The following CCM2L variants were observed in gnomAD, a reference collection of about 807,000 sequenced individuals.
The protein encoded by CCM2L is CCM2 like scaffold protein, also known as cerebral cavernous malformations 2 protein-like.
A neutral mutation model predicts 54.1 loss-of-function variants in CCM2L; 36 were observed. That is an observed-to-expected ratio of 0.67 (90% confidence interval 0.51 to 0.88). The LOEUF is 0.88. CCM2L is among the 40% of genes least tolerant of loss of function. CCM2L has a pLI of 0.00. For synonymous variants in CCM2L, 351 were observed against 359.3 expected (o/e 0.98, Z 0.26); for missense variants, 700 against 812.1 (o/e 0.86, Z 1.68).
chr20:32,028,433 CAAA>C (rs533694905), intron 7 of CCM2L: 8 of 107,686 alleles, frequency 7.4e-5, no homozygotes, highest in South Asian at 3.1e-4. Flanking sequence ...GAATCTGTCT[CAAA>C]AAAAAAAAAA....
intron 1 of CCM2L, among the ~76,000 whole-genome samples, chr20:32,012,474 C>G (rs1004947307): frequency 1.3e-5 from 2 of 152,136 alleles, no homozygotes; most frequent in Non-Finnish European, 1.5e-5. Flanking sequence ...GGGAGGATCG[C>G]TGAGTCAGAA....
At chr20:32,025,784 G>A in intron 6 of CCM2L, 72 bp from the exon 7 acceptor site, 14 of 1,091,770 alleles carry the variant, frequency 1.3e-5, no homozygotes, top group Admixed American at 2.3e-5. Flanking sequence ...ACTGAGGGTG[G>A]GGCCTCAGGG....
Position 32,019,306 on chromosome 20 carries a change from G to C in CCM2L, c.830G>C (p.Gly277Ala). 1 of 1,301,822 alleles carries C rather than the reference G, an allele frequency of 7.7e-7. No individual in the cohort carries two copies. The allele number at this position is 1,301,822 out of a possible 1,614,324, so 80.6% of individuals were successfully genotyped here. A position where few individuals can be genotyped will look rare whatever the true frequency, so the allele number is the denominator to read the frequency against. ...WERRQAGSGG[G>A]GSWERRHPGP... ...CGGAGGCAGGCGGGCAGCGGCGGGG[G>C]AGGCAGCTGGGAGCGGCGCCACCCC... The change falls in exon 5 of 10, where the codon GGA (glycine) becomes GCA (alanine). Residue 277 changes from glycine (G) to alanine (A), a missense_variant. Coordinates refer to ENST00000452892, the MANE Select transcript of CCM2L (RefSeq NM_001365692.1).
rs747003754 is a variant in CCM2L at position 32,018,102 on chromosome 20, G to C, written c.406G>C (p.Glu136Gln). The change falls in exon 4 of 10, where the codon GAG (glutamate) becomes CAG (glutamine). Residue 136 changes from glutamate (E) to glutamine (Q), a missense_variant. Transcript: ENST00000452892. ...GCTCATTCTGCGAATCCCTACGCAC[G>C]AGATCGCCGCCGCCTCCTACCTGCA... is the stretch of plus-strand genomic sequence containing the variant. Reference protein sequence around the residue: ...EELILRIPTHEIAAASYLQDD... With the variant: ...EELILRIPTHQIAAASYLQDD... The C allele has an allele frequency of 6.2e-6, 10 of 1,611,322 alleles. No homozygotes were observed. The East Asian group carries it at 8.9e-5, about 14-fold the overall frequency.
intron 1 of CCM2L, among the ~76,000 whole-genome samples, chr20:32,011,840 G>A (rs2064698007): frequency 6.6e-6 from 1 of 151,728 alleles, no homozygotes; most frequent in Non-Finnish European, 1.5e-5. Context: ...GAGGCAGATG[G>A]GGCTGGACAG....
At chr20:32,030,193 A>T (rs1464370997) in intron 9 of CCM2L, among the ~76,000 whole-genome samples, 3 of 152,176 alleles carry the variant, frequency 2.0e-5, no homozygotes, top group African/African-American at 7.2e-5. Flanking sequence ...GGCTAATAAT[A>T]ACAGGAGGAA....
In CCM2L at chr20:32,031,141, G is replaced by T. The variant is rs1349558663; in HGVS notation, c.1543G>T (p.Val515Leu). Residue 515 changes from valine to leucine, a missense_variant, in exon 10 of 10, where the codon GTG (valine) becomes TTG (leucine). Physicochemically the swap from Val to Leu is conservative, Grantham distance 32. Transcript: ENST00000452892. The part of the protein sequence containing the change: ...RSMSSTSASA[V>L]RSYDGAAQRP... The stretch of plus-strand genomic sequence containing the variant: ...CATGAGCTCCACGTCGGCCTCCGCA[G>T]TGCGCAGCTACGATGGCGCGGCGCA... 5 of 1,303,994 alleles carry T rather than the reference G, an allele frequency of 3.8e-6. No individual in the cohort carries two copies. Among genetic ancestry groups the T allele is most frequent in the Non-Finnish European group, 5.1e-6 (5 of 988,922 alleles). The allele number at this position is 1,303,994 out of a possible 1,614,324, so 80.8% of individuals were successfully genotyped here.
intron 8 of CCM2L, 119 bp downstream of exon 8, chr20:32,029,243 C>A: frequency 7.0e-7 from 1 of 1,433,512 alleles, no homozygotes; most frequent in Non-Finnish European, 9.6e-7. Flanking sequence ...GAGGTCAGAG[C>A]AGGAAATGAG....
chr20:32,024,277 G>A (rs1025951299), intron 6 of CCM2L, among the ~76,000 whole-genome samples: 5 of 152,180 alleles, frequency 3.3e-5, no homozygotes, highest in Admixed American at 6.5e-5. Context: ...GAAGACCCTC[G>A]CATCTGTGGG....
intron 6 of CCM2L, among the ~76,000 whole-genome samples, chr20:32,023,406 A>G (rs565637500): frequency 6.6e-6 from 1 of 152,248 alleles, no homozygotes; most frequent in Non-Finnish European, 1.5e-5. Flanking sequence ...ACCTAAGCAC[A>G]TGTATTGTCT....
intron 2 of CCM2L, among the ~76,000 whole-genome samples, chr20:32,015,751 C>T (rs2064736063): frequency 6.6e-6 from 1 of 152,114 alleles, no homozygotes; most frequent in Non-Finnish European, 1.5e-5. Context: ...TGATTGACAA[C>T]TTTGACATTT....
intron 8 of CCM2L, among the ~76,000 whole-genome samples, chr20:32,029,335 AG>A (rs2064896770): frequency 6.6e-6 from 1 of 152,182 alleles, no homozygotes; most frequent in Non-Finnish European, 1.5e-5. Context: ...GCTGTATACC[AG>A]GCACCATTCT....
chr20:32,017,586 C>T (rs1156752685), intron 2 of CCM2L, among the ~76,000 whole-genome samples: 1 of 152,226 alleles, frequency 6.6e-6, no homozygotes. Flanking sequence ...TGGTTTTTCT[C>T]ATCCTTAAAG....
In CCM2L at chr20:32,029,784, T is replaced by C. The variant is rs1473406490; in HGVS notation, c.1348T>C (p.Tyr450His). Residue 450 changes from tyrosine (Y) to histidine (H), a missense_variant, in exon 9 of 10, where the codon TAT becomes CAT. By Grantham distance (83) the Tyr-to-His change is moderately conservative. Transcript: ENST00000452892. ...CCGGCTGGGGCTGCCCATCCAGGAC[T>C]ATTGCACAGGCCTGCTGAAGCTCTA... ...EYRLGLPIQD[Y>H]CTGLLKLYGD... is the part of the protein sequence containing the mutation. The C allele has an allele frequency of 4.3e-6, 7 of 1,613,108 alleles. No individual in the cohort carries two copies. Among genetic ancestry groups the C allele is most frequent in the Non-Finnish European group, 5.9e-6 (7 of 1,179,496 alleles).
Position 32,022,708 on chromosome 20 carries a change from A to G in CCM2L, c.982A>G (p.Ile328Val), listed in dbSNP as rs1600679955. 6.2e-7 allele frequency: 1 copy of G among 1,614,180 alleles called. No homozygotes were observed. The highest frequency in any genetic ancestry group is 2.2e-5 in the East Asian group (1 of 44,878). ...CALICQVFQI[I>V]YGDQSIECVD... is the part of the protein sequence containing the mutation. ...ACTCATCTGTCAGGTCTTCCAGATC[A>G]TCTACGGGGACCAGAGTATTGAGTG... The change falls in exon 6 of 10, where the codon ATC (isoleucine) becomes GTC (valine). Residue 328 changes from isoleucine (I) to valine (V), a missense_variant. Coordinates refer to ENST00000452892, the MANE Select transcript of CCM2L (RefSeq NM_001365692.1).
chr20:32,026,004 C>T (rs556252043), intron 7 of CCM2L, 85 bp downstream of exon 7: 14 of 1,056,840 alleles, frequency 1.3e-5, no homozygotes, highest in Middle Eastern at 4.7e-4. Flanking sequence ...GAGAAGGTGA[C>T]CCAACCTTGA....
At chr20:32,022,883 A>C in intron 6 of CCM2L, 88 bp downstream of exon 6, 2 of 1,488,112 alleles carry the variant, frequency 1.3e-6, no homozygotes, top group Non-Finnish European at 1.8e-6. Context: ...TGGGCTGATG[A>C]AGGTATTTAG....
chr20:32,022,933 T>C (rs764872486), intron 6 of CCM2L, 138 bp downstream of exon 6: 5 of 922,790 alleles, frequency 5.4e-6, no homozygotes, highest in Non-Finnish European at 7.8e-6. Context: ...TACCCCACAA[T>C]TGTAGGTGAA....
At chr20:32,026,007 A>G in intron 7 of CCM2L, 88 bp downstream of exon 7, 2 of 993,328 alleles carry the variant, frequency 2.0e-6, no homozygotes, top group Non-Finnish European at 2.8e-6. Flanking sequence ...AAGGTGACCC[A>G]ACCTTGATGT....
Sources: allele counts gnomAD v4.1 joint callset (sites outside exome capture counted in the v4.1 genomes callset), GRCh38; gene constraint gnomAD v4.1.1; transcripts MANE v1.5; gene names NCBI Gene and HGNC (gene_info 2026-07-23, HGNC 2026-07-21).